The following SS18L2 variants were observed in gnomAD, a reference collection of about 807,000 sequenced individuals.
The protein encoded by SS18L2 is SS18 like 2.
SS18L2 carries 8 observed loss-of-function variants against 10.3 expected under a neutral mutation model. The ratio of observed to expected loss-of-function variants is 0.78; its 90% CI spans 0.46 to 1.41. SS18L2 has a LOEUF of 1.41. SS18L2 is among the 40% of genes most tolerant of loss of function. The pLI, the probability that SS18L2 is intolerant of heterozygous loss-of-function variation, is 0.00. For missense variants in SS18L2, 100 were observed against 96.2 expected (o/e 1.04, Z -0.17); for synonymous variants, 41 against 34.6 (o/e 1.19, Z -0.65).
chr3:42,594,746 G>A lies in SS18L2; in HGVS notation c.*237G>A, dbSNP rs554827466. ...AAATCCCTCAATAAGTTGAGCCCAG[G>A]TGTCCTCTTTCCTGAACTTGGAGCA... On this transcript the variant is annotated 3_prime_UTR_variant, in exon 3 of 3. Coordinates refer to ENST00000011691, the MANE Select transcript of SS18L2 (RefSeq NM_001370300.1). 1.0e-4 allele frequency: 35 copies of A among 350,942 alleles called. 1 individual carries two copies. The South Asian group carries it at 1.5e-3, about 15-fold the overall frequency. 21.7% of individuals were successfully genotyped at this position (350,942 alleles called of 1,614,324 possible).
At chr3:42,585,282 G>A (rs1559534188) in intron 1 of SS18L2, among the ~76,000 whole-genome samples, 1 of 152,160 alleles carries the variant, frequency 6.6e-6, no homozygotes, top group South Asian at 2.1e-4. Context: ...GACAACAGGG[G>A]TGAGATGTAG....
intron 1 of SS18L2, among the ~76,000 whole-genome samples, chr3:42,585,518 G>T (rs1339083480): frequency 1.3e-5 from 2 of 152,204 alleles, no homozygotes; most frequent in Admixed American, 1.3e-4. Context: ...CTAGCCTGCA[G>T]AAACTTCCAG....
At chr3:42,588,471 C>T (rs761421359), upstream of SS18L2, among the ~76,000 whole-genome samples, 15 of 152,252 alleles carry the variant, frequency 9.9e-5, no homozygotes, top group Admixed American at 5.2e-4. Context: ...CCAGTTCCCT[C>T]CATTTCAGAG....
chr3:42,591,392 C>A, intron 1 of SS18L2, 133 bp from the exon 2 acceptor site: 1 of 667,452 alleles, frequency 1.5e-6, no homozygotes, highest in Non-Finnish European at 2.7e-6. Context: ...ATGGGGTTTC[C>A]CCATGTTGGC....
At chr3:42,586,674 G>T (rs760822631), upstream of SS18L2, among the ~76,000 whole-genome samples, 1 of 151,366 alleles carries the variant, frequency 6.6e-6, no homozygotes, top group Admixed American at 6.6e-5. Flanking sequence ...CTCCATTGCA[G>T]CTTCTTTTCC....
upstream of SS18L2, chr3:42,590,844 C>G: frequency 6.3e-7 from 1 of 1,580,214 alleles, no homozygotes; most frequent in Non-Finnish European, 8.7e-7. Flanking sequence ...AGCGTAGGCC[C>G]CACCTATCGT....
upstream of SS18L2, among the ~76,000 whole-genome samples, chr3:42,589,939 G>A (rs1345436923): frequency 6.6e-6 from 1 of 152,188 alleles, no homozygotes; most frequent in African/African-American, 2.4e-5. Flanking sequence ...CACCTTTGCG[G>A]TATGGTGCCT....
In SS18L2 at chr3:42,594,445, A is replaced by G. The variant is rs755887947; in HGVS notation, c.170A>G (p.Asn57Ser). ...CVQYQHVLHR[N>S]LIYLATIADA... is the part of the protein sequence containing the mutation. ...AGGTACCAGCATGTGTTACATAGAA[A>G]TCTCATTTATTTGGCTACCATTGCA... Residue 57 changes from asparagine to serine, a missense_variant, in exon 3 of 3, where the codon AAT (asparagine) becomes AGT (serine). Coordinates refer to ENST00000011691, the MANE Select transcript of SS18L2 (RefSeq NM_001370300.1). 2 of 1,613,900 alleles carry G rather than the reference A, an allele frequency of 1.2e-6. No homozygotes were observed. The highest frequency in any genetic ancestry group is 1.7e-6 in the Non-Finnish European group (2 of 1,179,840).
chr3:42,594,622 C>A lies in SS18L2; in HGVS notation c.*113C>A. On this transcript the variant is annotated 3_prime_UTR_variant, in exon 3 of 3. Coordinates refer to ENST00000011691, the MANE Select transcript of SS18L2 (RefSeq NM_001370300.1). ...TCTTTACCAACTCAACTGGTTAAAA[C>A]ATGAATGAAACCTCTGTGGCTCTTT... is the stretch of plus-strand genomic sequence containing the variant. 1 of 862,826 alleles carries A rather than the reference C, an allele frequency of 1.2e-6. No homozygotes were observed. The highest frequency in any genetic ancestry group is 1.8e-6 in the Non-Finnish European group (1 of 541,188). 53.4% of individuals were successfully genotyped at this position (862,826 alleles called of 1,614,324 possible). A position where few individuals can be genotyped will look rare whatever the true frequency, so the allele number is the denominator to read the frequency against.
Position 42,595,350 on chromosome 3 carries a change from A to G in SS18L2, c.*841A>G, listed in dbSNP as rs917777564. Among the ~76,000 whole-genome samples the G allele has an allele frequency of 6.6e-6, 1 of 152,194 alleles. No homozygotes were observed. Among genetic ancestry groups the G allele is most frequent in the Non-Finnish European group, 1.5e-5 (1 of 68,040 alleles). Reference sequence around the variant, plus strand: ...ACCCTAGAATTCTCTCGTGTTCTACATACAGTTGTATCTCTGTAGTGTTGT... The same window carrying G: ...ACCCTAGAATTCTCTCGTGTTCTACGTACAGTTGTATCTCTGTAGTGTTGT... On this transcript the variant is annotated 3_prime_UTR_variant, in exon 3 of 3. Transcript: ENST00000011691.
intron 2 of SS18L2, among the ~76,000 whole-genome samples, chr3:42,593,040 A>C (rs2125741506): frequency 6.6e-6 from 1 of 152,334 alleles, no homozygotes; most frequent in East Asian, 1.9e-4. Flanking sequence ...ACAATAAAAA[A>C]AATACAGTAT....
At chr3:42,591,771 G>A (rs1265033876) in intron 2 of SS18L2, among the ~76,000 whole-genome samples, 170 bp downstream of exon 2, 1 of 152,184 alleles carries the variant, frequency 6.6e-6, no homozygotes, top group Non-Finnish European at 1.5e-5. Flanking sequence ...ACCATACAAC[G>A]AGTACACTGC....
Position 42,590,979 on chromosome 3 carries a change from G to A in SS18L2, c.69+13G>A, listed in dbSNP as rs776420551. The A allele has an allele frequency of 1.5e-6, 2 of 1,314,408 alleles. No individual in the cohort carries two copies. The highest frequency in any genetic ancestry group is 1.7e-5 in the South Asian group (1 of 58,294). 81.4% of individuals were successfully genotyped at this position (1,314,408 alleles called of 1,614,324 possible). A position where few individuals can be genotyped will look rare whatever the true frequency, so the allele number is the denominator to read the frequency against. On this transcript the variant is annotated intron_variant, in intron 1 of 2. Transcript: ENST00000011691. ...GACTATCCAGCGGGTGAGCATCCAC[G>A]CGGGCGGGCGGGCGGGCGGAGAGAA...
chr3:42,583,811 G>A lies in SS18L2; in HGVS notation c.-90+1853G>A, dbSNP rs115485240. ...TCTGCCCTTGGCATCAGAATTCCCC[G>A]TTCCCCTAATCTCCTAACTCTAGGA... On this transcript the variant is annotated intron_variant, in intron 1 of 3. Transcript: ENST00000447630. Among the ~76,000 whole-genome samples, 686 of 152,222 alleles carry A rather than the reference G, an allele frequency of 4.5e-3. 4 individuals are homozygous for A. Among genetic ancestry groups the A allele is most frequent in the African/African-American group, 0.015 (643 of 41,530 alleles).
intron 1 of SS18L2, among the ~76,000 whole-genome samples, chr3:42,584,826 T>C (rs1704559453): frequency 6.6e-6 from 1 of 152,116 alleles, no homozygotes; most frequent in African/African-American, 2.4e-5. Flanking sequence ...CCCTGTAGCA[T>C]AAGTGCTCTT....
chr3:42,583,580 C>T (rs1704505936), intron 1 of SS18L2, among the ~76,000 whole-genome samples: 1 of 152,126 alleles, frequency 6.6e-6, no homozygotes, highest in African/African-American at 2.4e-5. Context: ...AGATGTCAAC[C>T]TGACTAGGTT....
At chr3:42,584,283 C>T (rs1445658684) in intron 1 of SS18L2, among the ~76,000 whole-genome samples, 1 of 152,178 alleles carries the variant, frequency 6.6e-6, no homozygotes, top group East Asian at 1.9e-4. Context: ...GAGGCTGAGT[C>T]TCACTCTGTG....
In SS18L2 at chr3:42,596,896, T is replaced by C. The variant is rs1705047325; in HGVS notation, c.*2387T>C. Among the ~76,000 whole-genome samples, 1 of 152,210 alleles carries C rather than the reference T, an allele frequency of 6.6e-6. No individual in the cohort carries two copies. The highest frequency in any genetic ancestry group is 1.5e-5 in the Non-Finnish European group (1 of 68,044). ...AATTCTAGGTTTAAAGTTGTTTAAG[T>C]ATATCCCAAATTAAATATTTCATTC... On this transcript the variant is annotated 3_prime_UTR_variant, in exon 3 of 3. Transcript: ENST00000011691.
intron 1 of SS18L2, among the ~76,000 whole-genome samples, chr3:42,584,985 C>T (rs537952627): frequency 1.1e-4 from 16 of 152,112 alleles, no homozygotes; most frequent in East Asian, 3.9e-4. Flanking sequence ...AAAAATTAGC[C>T]GGGCGTGATG....
Sources: allele counts gnomAD v4.1 joint callset (sites outside exome capture counted in the v4.1 genomes callset), GRCh38; gene constraint gnomAD v4.1.1; transcripts MANE v1.5; gene names NCBI Gene and HGNC (gene_info 2026-07-23, HGNC 2026-07-21).